Variants in IGF1R observed in about 807,000 individuals in gnomAD.
IGF1R encodes the protein insulin-like growth factor 1 receptor.
In IGF1R, 44 loss-of-function variants were observed where a neutral mutation model predicts 144.6. The ratio of observed to expected loss-of-function variants is 0.30; its 90% confidence interval spans 0.24 to 0.39. IGF1R has a LOEUF of 0.39. Among genes scored for constraint, IGF1R ranks in the 10% least tolerant of loss-of-function variants. The pLI is 1.00. For synonymous variants in IGF1R, 795 were observed against 722.8 expected (o/e 1.10, Z -1.60); for missense variants, 1,355 against 1,833.7 (o/e 0.74, Z 4.77).
intron 2 of IGF1R, among the ~76,000 whole-genome samples, chr15:98,846,080 T>C (rs1488571338): frequency 2.0e-5 from 3 of 152,228 alleles, no homozygotes; most frequent in African/African-American, 7.2e-5. Flanking sequence ...AGGGAGTCTC[T>C]GACATCAGCT....
intron 1 of IGF1R, among the ~76,000 whole-genome samples, chr15:98,683,806 A>G (rs1373463349): frequency 6.6e-6 from 1 of 152,218 alleles, no homozygotes; most frequent in Non-Finnish European, 1.5e-5. Context: ...AAAGGCGTGG[A>G]TATTTGGAAA....
rs117035556 is a variant in IGF1R at position 98,666,016 on chromosome 15, A to T, written c.94+16341A>T. Among the ~76,000 whole-genome samples, 1,153 of 152,346 alleles carry T rather than the reference A, an allele frequency of 7.6e-3. 9 individuals are homozygous for T. Among genetic ancestry groups the T allele is most frequent in the Middle Eastern group, 0.014 (4 of 294 alleles). On this transcript the variant is annotated intron_variant, in intron 1 of 20. Coordinates refer to ENST00000650285, the MANE Select transcript of IGF1R (RefSeq NM_000875.5). ...ACCAATTTAACAATGCTAGTAGGTA[A>T]GGATACTACTGTTTGCTTTCTGTGA...
intron 2 of IGF1R, among the ~76,000 whole-genome samples, chr15:98,708,984 A>G (rs533046618): frequency 3.2e-4 from 49 of 152,334 alleles, no homozygotes; most frequent in African/African-American, 1.1e-3. Flanking sequence ...TCAGTTCCTT[A>G]AGAACCAGGC....
In IGF1R at chr15:98,963,089, AATGTTTCATTGCATTTTTGT is replaced by A; in HGVS notation, c.*5649_*5668del. The A allele has an allele frequency of 4.3e-6, 1 of 233,558 alleles. No homozygotes were observed. The highest frequency in any genetic ancestry group is 8.5e-6 in the Non-Finnish European group (1 of 118,004). 14.5% of individuals were successfully genotyped at this position (233,558 alleles called of 1,614,324 possible). A position where few individuals can be genotyped will look rare whatever the true frequency, so the allele number is the denominator to read the frequency against. ...AGATCTGGTTTACAAGAACTAATTAAATGTTTCATTGCATTTTTGTAAGAACAGAATAATTTTATAAAATG... is the reference window on the plus strand; with the variant it reads ...AGATCTGGTTTACAAGAACTAATTAAAAGAACAGAATAATTTTATAAAATG... On this transcript the variant is annotated 3_prime_UTR_variant, in exon 21 of 21. Coordinates refer to ENST00000650285, the MANE Select transcript of IGF1R (RefSeq NM_000875.5).
At chr15:98,954,368 G>A (rs899743068) in intron 20 of IGF1R, 4 of 150,026 alleles carry the variant, frequency 2.7e-5, no homozygotes, top group Non-Finnish European at 4.4e-5. Context: ...GAAGGATGGC[G>A]CCAGCCTCCC....
chr15:98,704,000 T>C (rs1470487577), intron 1 of IGF1R, among the ~76,000 whole-genome samples: 2 of 152,088 alleles, frequency 1.3e-5, no homozygotes, highest in African/African-American at 4.8e-5. Flanking sequence ...ACACCTGACC[T>C]CATGTGACGG....
At chr15:98,781,265 A>T (rs535244676) in intron 2 of IGF1R, among the ~76,000 whole-genome samples, 1 of 152,364 alleles carries the variant, frequency 6.6e-6, no homozygotes, top group Admixed American at 6.5e-5. Flanking sequence ...TTGGAGCTTG[A>T]TAAAATGATT....
chr15:98,946,513 A>G (rs1357642749), intron 19 of IGF1R, among the ~76,000 whole-genome samples: 1 of 152,172 alleles, frequency 6.6e-6, no homozygotes, highest in Admixed American at 6.5e-5. Context: ...CTGCACACTC[A>G]GGGAGCTCTG....
intron 20 of IGF1R, among the ~76,000 whole-genome samples, chr15:98,951,653 A>T (rs2016779223): frequency 6.6e-6 from 1 of 152,182 alleles, no homozygotes; most frequent in Non-Finnish European, 1.5e-5. Context: ...GGGGAGGCAG[A>T]CCCACTTCCA....
At chr15:98,954,701 C>T (rs1482868239) in intron 20 of IGF1R, among the ~76,000 whole-genome samples, 5 of 152,204 alleles carry the variant, frequency 3.3e-5, no homozygotes, top group African/African-American at 9.7e-5. Flanking sequence ...GGCCCAGTTA[C>T]GCTTCTGCCC....
intron 2 of IGF1R, among the ~76,000 whole-genome samples, chr15:98,793,867 G>T (rs2056180950): frequency 6.6e-6 from 1 of 152,190 alleles, no homozygotes; most frequent in Non-Finnish European, 1.5e-5. Context: ...TAAAGGTGGG[G>T]TATTCTGAAA....
chr15:98,780,124 T>C (rs1295025824), intron 2 of IGF1R, among the ~76,000 whole-genome samples: 2 of 151,102 alleles, frequency 1.3e-5, no homozygotes, highest in Admixed American at 1.3e-4. Flanking sequence ...ATAACAAACA[T>C]TCGCATTTAT....
chr15:98,658,629 C>G (rs781353141), intron 1 of IGF1R, among the ~76,000 whole-genome samples: 3 of 152,154 alleles, frequency 2.0e-5, no homozygotes, highest in Non-Finnish European at 4.4e-5. Flanking sequence ...CCCCATATGC[C>G]TTTTCTGTGG....
At chr15:98,665,770 A>C (rs571166898) in intron 1 of IGF1R, among the ~76,000 whole-genome samples, 4 of 152,350 alleles carry the variant, frequency 2.6e-5, no homozygotes, top group South Asian at 4.1e-4. Flanking sequence ...GGCTTCAGTC[A>C]GGTGGGAAGC....
intron 2 of IGF1R, among the ~76,000 whole-genome samples, chr15:98,765,308 C>CTTTTTTTTTTTTTTTTTTTT (rs139280569): frequency 1.6e-5 from 1 of 61,814 alleles, no homozygotes; most frequent in African/African-American, 6.7e-5. Context: ...ATGCCAACAC[C>CTTTTTTTTTTTTTTTTTTTT]TTTTTTTTTT....
chr15:98,901,501 C>A (rs1266160598), intron 5 of IGF1R, among the ~76,000 whole-genome samples: 1 of 152,176 alleles, frequency 6.6e-6, no homozygotes, highest in Admixed American at 6.5e-5. Context: ...GTGTTGAGAC[C>A]GCTAGCAACA....
At chr15:98,869,677 C>T (rs926380801) in intron 2 of IGF1R, among the ~76,000 whole-genome samples, 5 of 152,116 alleles carry the variant, frequency 3.3e-5, no homozygotes, top group African/African-American at 1.2e-4. Context: ...TCAGGTGATC[C>T]ACGCGCCTCA....
At chr15:98,881,708 G>A (rs1403605787) in intron 2 of IGF1R, among the ~76,000 whole-genome samples, 1 of 152,196 alleles carries the variant, frequency 6.6e-6, no homozygotes, top group African/African-American at 2.4e-5. Context: ...TCAACAGTCA[G>A]GAGGATCTGG....
chr15:98,850,568 G>A (rs1468573607), intron 2 of IGF1R, among the ~76,000 whole-genome samples: 2 of 152,238 alleles, frequency 1.3e-5, no homozygotes, highest in Non-Finnish European at 1.5e-5. Context: ...GGAGCACAGA[G>A]GAGTCAGGTG....
Sources: allele counts gnomAD v4.1 joint callset (sites outside exome capture counted in the v4.1 genomes callset), GRCh38; gene constraint gnomAD v4.1.1; transcripts MANE v1.5; gene names NCBI Gene and HGNC (gene_info 2026-07-23, HGNC 2026-07-21).